Variants in KCNK12 observed in about 807,000 individuals in gnomAD.
The protein encoded by KCNK12 is potassium channel subfamily K member 12.
KCNK12 carries 6 observed loss-of-function variants against 25.3 expected under a neutral mutation model. The ratio of observed to expected loss-of-function variants is 0.24; its 90% CI spans 0.13 to 0.47. The LOEUF (loss-of-function observed/expected upper bound fraction) is 0.47. KCNK12 is among the 20% of genes least tolerant of loss of function. The pLI, the probability that KCNK12 is intolerant of heterozygous loss-of-function variation, is 0.99. For synonymous variants in KCNK12, 331 were observed against 311.1 expected, an observed-to-expected ratio of 1.06 and a Z score of -0.67; for missense variants, 444 against 661.7, an observed-to-expected ratio of 0.67 and a Z score of 3.61.
rs762076130 is a variant in KCNK12 at position 47,513,848 on chromosome 2, G to C, written c.*7059C>G. ...ATTGATTCTGTGGACCTACTCTTTC[G>C]GGTGTCCCTCAAATCTCTCCACGTC... On this transcript the variant is annotated 3_prime_UTR_variant, in exon 2 of 2. Coordinates refer to ENST00000327876, the MANE Select transcript of KCNK12 (RefSeq NM_022055.2). Among the ~76,000 whole-genome samples, 1 of 151,820 alleles carries C rather than the reference G, an allele frequency of 6.6e-6. No homozygotes were observed. Among genetic ancestry groups the C allele is most frequent in the African/African-American group, 2.4e-5 (1 of 41,252 alleles).
In KCNK12 at chr2:47,569,321, G is replaced by A. The variant is rs1669841939; in HGVS notation, c.391+620C>T. Among the ~76,000 whole-genome samples, 1 of 152,004 alleles carries A rather than the reference G, an allele frequency of 6.6e-6. No individual in the cohort carries two copies. Among genetic ancestry groups the A allele is most frequent in the South Asian group, 2.1e-4 (1 of 4,802 alleles). ...GAGCTGGGGGAGAACACAAGGAAGG[G>A]AGGCAGAACAACAGCAGCTGAAGTC... On this transcript the variant is annotated intron_variant, in intron 1 of 1. Coordinates refer to ENST00000327876, the MANE Select transcript of KCNK12 (RefSeq NM_022055.2). This position sits in a 1 kb window ranked among gnomAD's most constrained non-coding sequence, Gnocchi z 4.1.
chr2:47,567,010 T>G (rs761364824), intron 1 of KCNK12: 1 of 152,242 alleles, frequency 6.6e-6, no homozygotes, highest in Non-Finnish European at 1.5e-5. Context: ...ATCTCTGCCA[T>G]GCAGAGTAAG....
chr2:47,517,062 G>A lies in KCNK12; in HGVS notation c.*3845C>T, dbSNP rs972220663. 2 of 152,170 alleles carry A rather than the reference G, an allele frequency of 1.3e-5. No homozygotes were observed. Among genetic ancestry groups the A allele is most frequent in the Admixed American group, 6.5e-5 (1 of 15,274 alleles). 9.4% of individuals were successfully genotyped at this position (152,170 alleles called of 1,614,324 possible). ...ACCCTGCAACAGATAAAGCCCCAGCGCCTCTTCTGGACTCAGATGCCCTAG... is the reference window on the plus strand; with the variant it reads ...ACCCTGCAACAGATAAAGCCCCAGCACCTCTTCTGGACTCAGATGCCCTAG... On this transcript the variant is annotated 3_prime_UTR_variant, in exon 2 of 2. Coordinates refer to ENST00000327876, the MANE Select transcript of KCNK12 (RefSeq NM_022055.2). The surrounding 1 kb of genome is among the most constrained non-coding windows in gnomAD (Gnocchi z 4.1).
chr2:47,537,025 G>T (rs933010664), intron 1 of KCNK12, among the ~76,000 whole-genome samples: 3 of 152,130 alleles, frequency 2.0e-5, no homozygotes, highest in Non-Finnish European at 4.4e-5. Flanking sequence ...CTCCATCTTG[G>T]TCATAAGGCG....
chr2:47,526,096 A>G (rs536386063), intron 1 of KCNK12, among the ~76,000 whole-genome samples: 1 of 152,208 alleles, frequency 6.6e-6, no homozygotes, highest in East Asian at 1.9e-4. Context: ...ATTAACAACA[A>G]CAACAACAAC....
chr2:47,520,593 T>G lies in KCNK12; in HGVS notation c.*314A>C. On this transcript the variant is annotated 3_prime_UTR_variant, in exon 2 of 2. Transcript: ENST00000327876. This position sits in a 1 kb window ranked among gnomAD's most constrained non-coding sequence, Gnocchi z 5.0. ...TTCTGTGCATGGGGACGGGGTTTAG[T>G]GCCAGTCTGCAAAACCCTCCTCGCT... The G allele has an allele frequency of 3.7e-6, 1 of 271,300 alleles. No homozygotes were observed. Among genetic ancestry groups the G allele is most frequent in the Non-Finnish European group, 6.8e-6 (1 of 146,520 alleles). The allele number at this position is 271,300 out of a possible 1,614,324, so 16.8% of individuals were successfully genotyped here. A position where few individuals can be genotyped will look rare whatever the true frequency, so the allele number is the denominator to read the frequency against.
Position 47,518,096 on chromosome 2 carries a change from A to G in KCNK12, c.*2811T>C, listed in dbSNP as rs372759781. On this transcript the variant is annotated 3_prime_UTR_variant, in exon 2 of 2. Coordinates refer to ENST00000327876, the MANE Select transcript of KCNK12 (RefSeq NM_022055.2). This position sits in a 1 kb window ranked among gnomAD's most constrained non-coding sequence, Gnocchi z 4.1. ...ACCTGCACCAAAGAAAGGCATCCCT[A>G]TCAATGTCACTGTTCCTGAAATGAT... is the stretch of plus-strand genomic sequence containing the variant. The G allele has an allele frequency of 6.6e-6, 1 of 152,180 alleles. No homozygotes were observed. The highest frequency in any genetic ancestry group is 2.4e-5 in the African/African-American group (1 of 41,444). The allele number at this position is 152,180 out of a possible 1,614,324, so 9.4% of individuals were successfully genotyped here.
rs1207601462 is a variant in KCNK12, at chr2:47,509,441, AC to A, written c.*11465del. Among the ~76,000 whole-genome samples the A allele has an allele frequency of 6.6e-6, 1 of 152,216 alleles. No homozygotes were observed. The highest frequency in any genetic ancestry group is 2.4e-5 in the African/African-American group (1 of 41,460). On this transcript the variant is annotated 3_prime_UTR_variant, in exon 2 of 2. Transcript: ENST00000327876. The stretch of plus-strand genomic sequence containing the variant: ...CAAATTCTCTGTCCCATAGCAGGAA[AC>A]CACAGTCTCTGATGTCAGCTGGCTG...
rs537519834 is a variant in KCNK12 at position 47,557,440 on chromosome 2, T to G, written c.391+12501A>C. ...GAAATCAACTTTTTTTTGTTTGTTT[T>G]TTTTTAATAAATTACCCAGTCTGTG... On this transcript the variant is annotated intron_variant, in intron 1 of 1. Transcript: ENST00000327876. This position sits in a 1 kb window ranked among gnomAD's most constrained non-coding sequence, Gnocchi z 4.9. Among the ~76,000 whole-genome samples, 12 of 152,254 alleles carry G rather than the reference T, an allele frequency of 7.9e-5. No individual in the cohort carries two copies. The South Asian group carries it at 1.0e-3, about 13-fold the overall frequency.
chr2:47,535,414 T>C (rs1669045253), intron 1 of KCNK12, among the ~76,000 whole-genome samples: 1 of 151,736 alleles, frequency 6.6e-6, no homozygotes. Flanking sequence ...CTGTGGTCAC[T>C]GGACTGCGGC....
At position 47,512,563 on chromosome 2, in the gene KCNK12, C is replaced by T. The variant is rs1668429542; in HGVS notation, c.*8344G>A. The T allele has an allele frequency of 9.6e-7, 1 of 1,038,938 alleles. No homozygotes were observed. The highest frequency in any genetic ancestry group is 1.4e-6 in the Non-Finnish European group (1 of 730,760). The allele number at this position is 1,038,938 out of a possible 1,614,324, so 64.4% of individuals were successfully genotyped here. ...GACCAGAAAGGGGTCAGGAATATAA[C>T]TTTCTCTGCCCAGATTCCAGGACTT... On this transcript the variant is annotated 3_prime_UTR_variant, in exon 2 of 2. Transcript: ENST00000327876.
In KCNK12 at chr2:47,510,522, G is replaced by A. The variant is rs1203891130; in HGVS notation, c.*10385C>T. Among the ~76,000 whole-genome samples, 1 of 152,072 alleles carries A rather than the reference G, an allele frequency of 6.6e-6. No individual in the cohort carries two copies. The highest frequency in any genetic ancestry group is 1.5e-5 in the Non-Finnish European group (1 of 68,028). ...GAAGAAGGGGACAGGAAAGCATCCT[G>A]GGTACACAAAAGTCAAGGCTCCAGG... is the stretch of plus-strand genomic sequence containing the variant. On this transcript the variant is annotated 3_prime_UTR_variant, in exon 2 of 2. Coordinates refer to ENST00000327876, the MANE Select transcript of KCNK12 (RefSeq NM_022055.2).
Position 47,521,824 on chromosome 2 carries a change from A to C in KCNK12, c.392-16T>G, listed in dbSNP as rs1344876712. 1 of 1,259,836 alleles carries C rather than the reference A, an allele frequency of 7.9e-7. No homozygotes were observed. The highest frequency in any genetic ancestry group is 1.0e-6 in the Non-Finnish European group (1 of 982,864). 78.0% of individuals were successfully genotyped at this position (1,259,836 alleles called of 1,614,324 possible). ...ATGCCGAAACCTGTGGAGACAGGGC[A>C]GGGTCAGCGCGGTCCTGGCCGCGCA... On this transcript the variant is annotated splice_polypyrimidine_tract_variant and intron_variant, in intron 1 of 1. Coordinates refer to ENST00000327876, the MANE Select transcript of KCNK12 (RefSeq NM_022055.2).
chr2:47,546,943 T>C (rs545687829), intron 1 of KCNK12, among the ~76,000 whole-genome samples: 49 of 152,050 alleles, frequency 3.2e-4, no homozygotes, highest in Non-Finnish European at 6.5e-4. Flanking sequence ...GGAGGGGAAC[T>C]GCCCTGAAGA....
chr2:47,565,891 T>A lies in KCNK12; in HGVS notation c.391+4050A>T, dbSNP rs1377066974. 1 of 152,278 alleles carries A rather than the reference T, an allele frequency of 6.6e-6. No homozygotes were observed. Among genetic ancestry groups the A allele is most frequent in the African/African-American group, 2.4e-5 (1 of 41,478 alleles). 9.4% of individuals were successfully genotyped at this position (152,278 alleles called of 1,614,324 possible). The stretch of plus-strand genomic sequence containing the variant: ...CAGACAACATGCCAAAGGCCACACA[T>A]GCATCTATGATGAGTGATGCTTGTC... On this transcript the variant is annotated intron_variant, in intron 1 of 1. Transcript: ENST00000327876. This position sits in a 1 kb window ranked among gnomAD's most constrained non-coding sequence, Gnocchi z 5.0.
In KCNK12 at chr2:47,565,580, C is replaced by A. The variant is rs1241365536; in HGVS notation, c.391+4361G>T. The A allele has an allele frequency of 6.6e-6, 1 of 152,146 alleles. No homozygotes were observed. Among genetic ancestry groups the A allele is most frequent in the African/African-American group, 2.4e-5 (1 of 41,448 alleles). The allele number at this position is 152,146 out of a possible 1,614,324, so 9.4% of individuals were successfully genotyped here. On this transcript the variant is annotated intron_variant, in intron 1 of 1. Transcript: ENST00000327876. This position sits in a 1 kb window ranked among gnomAD's most constrained non-coding sequence, Gnocchi z 5.0. ...CTAATAAAAGGAAGCAAAAATATTTCTGTTTATATCAAGCTGCCATTTGAG... is the reference window on the plus strand; with the variant it reads ...CTAATAAAAGGAAGCAAAAATATTTATGTTTATATCAAGCTGCCATTTGAG...
At chr2:47,544,780 A>T (rs1169269080) in intron 1 of KCNK12, among the ~76,000 whole-genome samples, 1 of 152,218 alleles carries the variant, frequency 6.6e-6, no homozygotes, top group Non-Finnish European at 1.5e-5. Context: ...AGTTGCACTT[A>T]TAACAAACCA....
At position 47,521,631 on chromosome 2, in the gene KCNK12, A is replaced by G; in HGVS notation, c.569T>C (p.Leu190Pro). Residue 190 changes from leucine to proline, a missense_variant, in exon 2 of 2, where the codon CTG (leucine) becomes CCG (proline). This residue lies in a region of KCNK12 where 36 missense variants were observed against 36.4 expected (regional missense o/e 0.99). Transcript: ENST00000327876. Reference sequence around the variant, plus strand: ...GGAGCCGCGGCGGAAGGTGGCGGGCAGCAGGCCGCTGCGGCGCAGCTGGCG... The same window carrying G: ...GGAGCCGCGGCGGAAGGTGGCGGGCGGCAGGCCGCTGCGGCGCAGCTGGCG... ...RERQLRRSGL[L>P]PATFRRGSAL... The G allele has an allele frequency of 6.3e-7, 1 of 1,584,518 alleles. No homozygotes were observed. Among genetic ancestry groups the G allele is most frequent in the Non-Finnish European group, 8.6e-7 (1 of 1,167,198 alleles).
Position 47,536,859 on chromosome 2 carries a change from G to A in KCNK12, c.392-15051C>T, listed in dbSNP as rs972571865. Among the ~76,000 whole-genome samples the A allele has an allele frequency of 5.3e-5, 8 of 152,344 alleles. No individual in the cohort carries two copies. The East Asian group carries it at 7.7e-4, about 15-fold the overall frequency. ...TAATTCTTAGCTGGAAGATGGGAAC[G>A]ACATAGCGAGGCCAAGCTGTGATTG... On this transcript the variant is annotated intron_variant, in intron 1 of 1. Coordinates refer to ENST00000327876, the MANE Select transcript of KCNK12 (RefSeq NM_022055.2).
Sources: gnomAD v4.1 joint callset for allele counts (sites outside exome capture counted in the v4.1 genomes callset) on GRCh38, gnomAD v4.1.1 for gene constraint, gnomAD v4.1.1 regional missense constraint, Gnocchi (gnomAD v3.1) non-coding constraint, MANE v1.5 for transcripts, NCBI Gene and HGNC (gene_info 2026-07-23, HGNC 2026-07-21) for gene names.